The following RP1 variants were observed in gnomAD, a reference collection of about 807,000 sequenced individuals.
The protein encoded by RP1 is RP1 axonemal microtubule associated.
Under a neutral mutation model 14.8 loss-of-function variants are expected in RP1, and 16 were observed. The ratio of observed to expected loss-of-function variants is 1.08; its 90% CI spans 0.73 to 1.65. RP1 has a LOEUF of 1.65. Ranked by LOEUF, RP1 falls within the 40% of genes most tolerant of loss-of-function variation. The pLI, the probability that RP1 is intolerant of heterozygous loss-of-function variation, is 0.00. For missense variants in RP1, 2,631 were observed against 2,535.0 expected (o/e 1.04, Z -0.81); for synonymous variants, 876 against 883.6 (o/e 0.99, Z 0.15).
At chr8:54,687,338 T>G (rs934306238) in intron 12 of RP1, among the ~76,000 whole-genome samples, 2 of 152,132 alleles carry the variant, frequency 1.3e-5, no homozygotes, top group Non-Finnish European at 2.9e-5. Context: ...TACTTTAACT[T>G]CGGGGATACA....
At chr8:54,697,065 G>A (rs553194910) in intron 12 of RP1, 9 of 1,573,740 alleles carry the variant, frequency 5.7e-6, no homozygotes, top group Non-Finnish European at 7.8e-6. Flanking sequence ...AATAGAGTGG[G>A]CTTCCTCAAG....
At chr8:54,821,361 G>A (rs537572665) in intron 24 of RP1, among the ~76,000 whole-genome samples, 2 of 152,178 alleles carry the variant, frequency 1.3e-5, no homozygotes, top group African/African-American at 4.8e-5. Flanking sequence ...TCCCACAGGT[G>A]GACATCCAAA....
At chr8:54,698,327 C>T (rs1268638327) in intron 12 of RP1, among the ~76,000 whole-genome samples, 1 of 152,178 alleles carries the variant, frequency 6.6e-6, no homozygotes, top group African/African-American at 2.4e-5. Context: ...CAAATCAAAA[C>T]CACAATGAGA....
At chr8:54,675,433 G>T (rs1161610041) in intron 8 of RP1, among the ~76,000 whole-genome samples, 1 of 152,128 alleles carries the variant, frequency 6.6e-6, no homozygotes, top group Non-Finnish European at 1.5e-5. Context: ...TTTATCATAT[G>T]TCTCAGATTT....
In RP1 at chr8:54,621,273, TCCTA is replaced by T. The variant is rs1805857731; in HGVS notation, c.312_315del (p.Leu105ValfsTer10). The T allele has an allele frequency of 1.9e-6, 3 of 1,613,298 alleles. No homozygotes were observed. The highest frequency in any genetic ancestry group is 2.5e-6 in the Non-Finnish European group (3 of 1,179,866). On this transcript the variant is annotated frameshift_variant, in exon 2 of 4. Transcript: ENST00000220676. LOFTEE classifies it high-confidence loss of function. Reference sequence around the variant, plus strand: ...CCTGGAGGAGCTGGAGGACGGCGAGTCCTACCTATGTTCCCACGGCAGGAAGGTG... The same window carrying T: ...CCTGGAGGAGCTGGAGGACGGCGAGTCCTATGTTCCCACGGCAGGAAGGTG...
intron 15 of RP1, among the ~76,000 whole-genome samples, chr8:54,715,484 G>A (rs1372582318): frequency 6.6e-6 from 1 of 152,172 alleles, no homozygotes; most frequent in Non-Finnish European, 1.5e-5. Flanking sequence ...ACTTAGTGGA[G>A]GTTAAAAATA....
At chr8:54,842,201 G>T (rs1811804068) in intron 25 of RP1, among the ~76,000 whole-genome samples, 1 of 152,194 alleles carries the variant, frequency 6.6e-6, no homozygotes, top group Non-Finnish European at 1.5e-5. Context: ...TCATCCACGA[G>T]AGAACTATAG....
chr8:54,861,335 G>GGGAT (rs1812337574), intron 27 of RP1, among the ~76,000 whole-genome samples: 1 of 152,146 alleles, frequency 6.6e-6, no homozygotes, highest in African/African-American at 2.4e-5. Context: ...TAATCATGTG[G>GGGAT]GGATACTTGA....
At chr8:54,674,427 A>C (rs1043162861) in intron 8 of RP1, among the ~76,000 whole-genome samples, 2 of 151,930 alleles carry the variant, frequency 1.3e-5, no homozygotes, top group African/African-American at 4.8e-5. Context: ...CTTCCCAATA[A>C]ATTTATTTTC....
chr8:54,836,593 A>G (rs1811662016), intron 24 of RP1, among the ~76,000 whole-genome samples: 1 of 152,156 alleles, frequency 6.6e-6, no homozygotes, highest in African/African-American at 2.4e-5. Context: ...ACTCAATCCT[A>G]CAGCCTCAAG....
exon 1 of RP1, chr8:54,559,299 A>G (rs1469693839): frequency 6.6e-6 from 1 of 152,182 alleles, no homozygotes. Context: ...AGGAGTTTCT[A>G]CAAACATTTT....
At chr8:54,743,184 A>G (rs905324231) in intron 19 of RP1, among the ~76,000 whole-genome samples, 1 of 152,360 alleles carries the variant, frequency 6.6e-6, no homozygotes, top group South Asian at 2.1e-4. Flanking sequence ...TCAGATTCCC[A>G]GTTGTTAAGG....
intron 25 of RP1, among the ~76,000 whole-genome samples, chr8:54,845,424 C>T (rs183654335): frequency 3.3e-5 from 5 of 152,208 alleles, no homozygotes; most frequent in African/African-American, 1.2e-4. Context: ...GGATTCTAAC[C>T]TGAAAAAACA....
chr8:54,805,989 T>C (rs748198978), intron 24 of RP1, among the ~76,000 whole-genome samples: 1 of 152,082 alleles, frequency 6.6e-6, no homozygotes, highest in African/African-American at 2.4e-5. Flanking sequence ...ATAAATTTAT[T>C]GTCAGTGGTG....
chr8:54,837,763 C>T, intron 25 of RP1: 1 of 653,670 alleles, frequency 1.5e-6, no homozygotes, highest in Non-Finnish European at 2.2e-6. Context: ...TGTAAAGGAC[C>T]AGACAGTAAA....
rs570170993 is a variant in RP1 at position 54,570,334 on chromosome 8, T to TC, written c.-13+11014_-13+11015insC. On this transcript the variant is annotated intron_variant, in intron 1 of 22. Coordinates refer to the RP1 transcript ENST00000636932. ...CTGTGAATCTTTGCTTTTATGTACT[T>TC]TTTTTTTTTTTTGAGACAGAGTCTC... is the stretch of plus-strand genomic sequence containing the variant. Among the ~76,000 whole-genome samples the TC allele has an allele frequency of 3.6e-3, 530 of 148,830 alleles. 3 individuals are homozygous for TC. Among genetic ancestry groups the TC allele is most frequent in the African/African-American group, 0.012 (489 of 40,826 alleles).
At position 54,621,427 on chromosome 8, in the gene RP1, G is replaced by A. The variant is rs149197814; in HGVS notation, c.461G>A (p.Arg154Gln). 6.2e-7 allele frequency: 1 copy of A among 1,613,408 alleles called. No homozygotes were observed. Among genetic ancestry groups the A allele is most frequent in the African/African-American group, 1.3e-5 (1 of 74,936 alleles). Residue 154 changes from arginine to glutamine, a missense_variant, in exon 2 of 4, where the codon CGG (arginine) becomes CAG (glutamine). Transcript: ENST00000220676. ...GCTCCCGGCATGCCCCGCCCCCCAC[G>A]GAGCCTAGTGGTCTTCAGGAATGGC... ...VAAPGMPRPPRSLVVFRNGDP... is the reference protein window; with the variant it reads ...VAAPGMPRPPQSLVVFRNGDP...
At position 54,626,986 on chromosome 8, in the gene RP1, A is replaced by G; in HGVS notation, c.3104A>G (p.Asn1035Ser). 6.2e-7 allele frequency: 1 copy of G among 1,614,050 alleles called. No individual in the cohort carries two copies. Among genetic ancestry groups the G allele is most frequent in the Non-Finnish European group, 8.5e-7 (1 of 1,179,976 alleles). Residue 1035 changes from asparagine to serine, a missense_variant, in exon 4 of 4, where the codon AAT becomes AGT. Coordinates refer to ENST00000220676, the MANE Select transcript of RP1 (RefSeq NM_006269.2). ...TCACAGTCAGCTATTAATGATCATA[A>G]TACTAAAAGTCATATAGCTGCTGAA... ...TLSQSAINDH[N>S]TKSHIAAEKS... is the part of the protein sequence containing the mutation.
chr8:54,708,310 T>TA (rs1808199494), intron 15 of RP1, among the ~76,000 whole-genome samples: 1 of 152,100 alleles, frequency 6.6e-6, no homozygotes, highest in South Asian at 2.1e-4. Context: ...GTTGCTCACT[T>TA]TCTATTTAGC....
Sources: allele counts gnomAD v4.1 joint callset (sites outside exome capture counted in the v4.1 genomes callset), GRCh38; gene constraint gnomAD v4.1.1; transcripts MANE v1.5; gene names NCBI Gene and HGNC (gene_info 2026-07-23, HGNC 2026-07-21).